The following GABRG3 variants were observed in gnomAD, a reference collection of about 807,000 sequenced individuals.
GABRG3 encodes the protein gamma-aminobutyric acid type A receptor subunit gamma3, also known as gamma-aminobutyric acid receptor subunit gamma-3.
Under a neutral mutation model 48.8 loss-of-function variants are expected in GABRG3, and 25 were observed. That is an observed-to-expected ratio of 0.51 (90% CI 0.37 to 0.72). The LOEUF (loss-of-function observed/expected upper bound fraction) is 0.72. GABRG3 is among the 30% of genes least tolerant of loss of function. The pLI is 0.00. For missense variants in GABRG3, 394 were observed against 577.9 expected (o/e 0.68, Z 3.26); for synonymous variants, 227 against 217.6 (o/e 1.04, Z -0.38).
chr15:27,339,270 A>G (rs947097480), intron 5 of GABRG3, among the ~76,000 whole-genome samples: 7 of 152,216 alleles, frequency 4.6e-5, no homozygotes, highest in Admixed American at 3.3e-4. Context: ...TCAAGGTCCT[A>G]AATGCTCAAG....
At chr15:27,483,652 C>G (rs912903627) in intron 6 of GABRG3, among the ~76,000 whole-genome samples, 1 of 152,158 alleles carries the variant, frequency 6.6e-6, no homozygotes, top group Admixed American at 6.5e-5. Flanking sequence ...CAGCGTTCCC[C>G]CTCTGGGTGA....
chr15:26,999,834 A>G (rs998467576), intron 2 of GABRG3, among the ~76,000 whole-genome samples: 3 of 151,696 alleles, frequency 2.0e-5, no homozygotes, highest in Non-Finnish European at 4.4e-5. Flanking sequence ...TTTATTTTAG[A>G]TTTTATTGCT....
chr15:27,226,073 G>A (rs1472907239), intron 3 of GABRG3, among the ~76,000 whole-genome samples: 1 of 152,168 alleles, frequency 6.6e-6, no homozygotes, highest in Non-Finnish European at 1.5e-5. Flanking sequence ...CCAGGCAGGC[G>A]TGAGTTGATG....
intron 3 of GABRG3, among the ~76,000 whole-genome samples, chr15:27,127,462 G>A (rs1403364303): frequency 2.0e-5 from 3 of 151,366 alleles, no homozygotes; most frequent in East Asian, 3.9e-4. Context: ...GGTGGGAGCC[G>A]TTTAATGTGG....
chr15:27,101,365 A>C (rs1248074662), intron 3 of GABRG3, among the ~76,000 whole-genome samples: 1 of 152,234 alleles, frequency 6.6e-6, no homozygotes, highest in Non-Finnish European at 1.5e-5. Context: ...GATTTAACAT[A>C]GTAAAGATGT....
intron 5 of GABRG3, among the ~76,000 whole-genome samples, chr15:27,439,857 G>A (rs1007494197): frequency 1.3e-4 from 20 of 152,278 alleles, no homozygotes; most frequent in South Asian, 4.1e-4. Context: ...AGGGGTAGAC[G>A]GCACCAGTAT....
At position 26,976,706 on chromosome 15, in the gene GABRG3, C is replaced by T. The variant is rs535461058; in HGVS notation, c.54-296C>T. Among the ~76,000 whole-genome samples, 35 of 152,196 alleles carry T rather than the reference C, an allele frequency of 2.3e-4. No homozygotes were observed. The highest frequency in any genetic ancestry group is 3.5e-4 in the Non-Finnish European group (24 of 68,010). On this transcript the variant is annotated intron_variant, in intron 1 of 9. Coordinates refer to ENST00000615808, the MANE Select transcript of GABRG3 (RefSeq NM_033223.5). The surrounding 1 kb of genome is among the most constrained non-coding windows in gnomAD (Gnocchi z 7.8). ...CAAGGGTGTGTTGCCTGCTGGTTGG[C>T]CCTCTGGTGTTGTTTACCTGCCACG... is the stretch of plus-strand genomic sequence containing the variant.
intron 5 of GABRG3, among the ~76,000 whole-genome samples, chr15:27,464,205 A>G (rs2150837015): frequency 6.6e-6 from 1 of 152,200 alleles, no homozygotes; most frequent in East Asian, 1.9e-4. Context: ...TCACTTCCTA[A>G]TTTGATAACA....
At chr15:27,123,182 G>C (rs539750003) in intron 3 of GABRG3, among the ~76,000 whole-genome samples, 13 of 152,336 alleles carry the variant, frequency 8.5e-5, no homozygotes, top group African/African-American at 3.1e-4. Flanking sequence ...GGTAAAATAG[G>C]TGTGTCAATA....
intron 3 of GABRG3, among the ~76,000 whole-genome samples, chr15:27,052,262 C>T (rs1159459694): frequency 2.6e-5 from 4 of 152,164 alleles, no homozygotes; most frequent in Non-Finnish European, 4.4e-5. Flanking sequence ...TGCTGAGTTA[C>T]GTTGATCACA....
chr15:27,026,463 G>A (rs1461811195), intron 2 of GABRG3, among the ~76,000 whole-genome samples: 2 of 152,194 alleles, frequency 1.3e-5, no homozygotes, highest in Non-Finnish European at 2.9e-5. Context: ...TAACGTTACG[G>A]TATATCTTTA....
chr15:27,239,405 G>T (rs888486859), intron 3 of GABRG3, among the ~76,000 whole-genome samples: 2 of 152,162 alleles, frequency 1.3e-5, no homozygotes, highest in Non-Finnish European at 1.5e-5. Flanking sequence ...AATCACAGAA[G>T]AATATTCGCT....
intron 6 of GABRG3, among the ~76,000 whole-genome samples, chr15:27,506,466 C>T (rs1890763030): frequency 6.6e-6 from 1 of 152,130 alleles, no homozygotes; most frequent in African/African-American, 2.4e-5. Flanking sequence ...TGAGTGCAAC[C>T]ACTGGCCAAC....
chr15:27,357,738 G>T (rs531913125), intron 5 of GABRG3, among the ~76,000 whole-genome samples: 1 of 152,282 alleles, frequency 6.6e-6, no homozygotes, highest in South Asian at 2.1e-4. Context: ...TTTACCCTGA[G>T]CTGGATATGA....
At chr15:26,999,756 G>A (rs1027902787) in intron 2 of GABRG3, among the ~76,000 whole-genome samples, 7 of 151,844 alleles carry the variant, frequency 4.6e-5, no homozygotes, top group Non-Finnish European at 1.0e-4. Context: ...CACATATTTT[G>A]TGGTGTCTGA....
chr15:27,252,301 T>C (rs1372147956), intron 3 of GABRG3, among the ~76,000 whole-genome samples: 1 of 152,126 alleles, frequency 6.6e-6, no homozygotes, highest in African/African-American at 2.4e-5. Flanking sequence ...TGGCCCCCGG[T>C]GTCTGGCTCC....
intron 3 of GABRG3, among the ~76,000 whole-genome samples, chr15:27,249,334 C>A (rs1365643983): frequency 6.6e-6 from 1 of 152,164 alleles, no homozygotes; most frequent in Non-Finnish European, 1.5e-5. Flanking sequence ...ATCCCAGAAG[C>A]CCCCAGATTT....
At chr15:27,313,309 T>TATATATATATATAC (rs1566779284) in intron 3 of GABRG3, among the ~76,000 whole-genome samples, 1 of 95,458 alleles carries the variant, frequency 1.0e-5, no homozygotes, top group African/African-American at 4.1e-5. Context: ...TATATATATA[T>TATATATATATATAC]ACCCAACATC....
chr15:27,325,306 C>T (rs1486632785), intron 3 of GABRG3, among the ~76,000 whole-genome samples: 1 of 152,290 alleles, frequency 6.6e-6, no homozygotes, highest in South Asian at 2.1e-4. Context: ...GGCCATTCAT[C>T]CCCAAGGGCA....
Sources: allele counts gnomAD v4.1 joint callset (sites outside exome capture counted in the v4.1 genomes callset), GRCh38; gene constraint gnomAD v4.1.1; non-coding constraint Gnocchi (gnomAD v3.1); transcripts MANE v1.5; gene names NCBI Gene and HGNC (gene_info 2026-07-23, HGNC 2026-07-21).